Variants in SLC24A2 observed in about 807,000 individuals in gnomAD.
The protein encoded by SLC24A2 is sodium/potassium/calcium exchanger 2.
SLC24A2 carries 36 observed loss-of-function variants against 62.0 expected under a neutral mutation model. The ratio of observed to expected loss-of-function variants is 0.58; its 90% CI spans 0.44 to 0.77. SLC24A2 has a LOEUF of 0.77. Among genes scored for constraint, SLC24A2 ranks in the 30% least tolerant of loss-of-function variants. The pLI, the probability that SLC24A2 is intolerant of heterozygous loss-of-function variation, is 0.00. For missense variants in SLC24A2, 846 were observed against 817.9 expected (o/e 1.03, Z -0.42); for synonymous variants, 358 against 294.0 (o/e 1.22, Z -2.23).
the SLC24A2 span, among the ~76,000 whole-genome samples, chr9:19,835,895 T>A: frequency 9.9e-5 from 15 of 152,134 alleles, no homozygotes; most frequent in African/African-American, 3.6e-4. Flanking sequence ...AACAGTGCAA[T>A]CAAACTAGAA....
the SLC24A2 span, among the ~76,000 whole-genome samples, chr9:20,197,427 CTTT>C: frequency 3.2e-5 from 3 of 93,148 alleles, 1 homozygote; most frequent in African/African-American, 9.2e-5. Flanking sequence ...CTCTCTCTCT[CTTT>C]TTTTTTTTTT....
chr9:19,636,717 AG>A (rs1477582648), intron 2 of SLC24A2, among the ~76,000 whole-genome samples: 1 of 152,064 alleles, frequency 6.6e-6, no homozygotes, highest in Non-Finnish European at 1.5e-5. Flanking sequence ...TACAGGTGTG[AG>A]CCACCACGCC....
chr9:19,950,439 G>C, the SLC24A2 span, among the ~76,000 whole-genome samples: 3 of 152,072 alleles, frequency 2.0e-5, no homozygotes, highest in Admixed American at 2.0e-4. Context: ...TGTAACCACA[G>C]GAAATCTGCA....
At chr9:20,214,388 C>G in the SLC24A2 span, among the ~76,000 whole-genome samples, 19 of 152,036 alleles carry the variant, frequency 1.2e-4, no homozygotes, top group Non-Finnish European at 2.6e-4. Flanking sequence ...CCAAGGCAGG[C>G]GGATCACAAG....
the SLC24A2 span, among the ~76,000 whole-genome samples, chr9:20,072,227 G>C: frequency 2.6e-5 from 4 of 152,108 alleles, no homozygotes; most frequent in African/African-American, 9.7e-5. Flanking sequence ...ACCCAGCAAC[G>C]CCTATCTGTT....
intron 2 of SLC24A2, among the ~76,000 whole-genome samples, chr9:19,644,686 CT>C (rs1012987511): frequency 1.6e-4 from 24 of 152,116 alleles, no homozygotes; most frequent in African/African-American, 5.5e-4. Context: ...TATATTTTCT[CT>C]ATATTTTTAT....
chr9:19,712,740 GCT>G (rs1201091437), intron 2 of SLC24A2, among the ~76,000 whole-genome samples: 1 of 152,122 alleles, frequency 6.6e-6, no homozygotes, highest in Admixed American at 6.6e-5. Flanking sequence ...ATCCTGGAAT[GCT>G]CTTTCTCTGG....
At chr9:19,679,542 T>A (rs745509411) in intron 2 of SLC24A2, among the ~76,000 whole-genome samples, 2 of 152,106 alleles carry the variant, frequency 1.3e-5, no homozygotes, top group Non-Finnish European at 2.9e-5. Flanking sequence ...AGCATTTGAC[T>A]CAGTAGACTG....
At position 19,529,864 on chromosome 9, in the gene SLC24A2, C is replaced by T. The variant is rs146596373; in HGVS notation, c.1480-1726G>A. ...CTCCTGGGTCAAGCAATTCTCCTGC[C>T]TCAGCCTCCTGAGTAGCTGGAATTA... On this transcript the variant is annotated intron_variant, in intron 8 of 10. Transcript: ENST00000341998. 7.5e-3 allele frequency among the ~76,000 whole-genome samples: 1,144 copies of T among 151,546 alleles called. 14 individuals are homozygous for T. The highest frequency in any genetic ancestry group is 0.026 in the African/African-American group (1,066 of 41,288).
At chr9:19,551,506 T>C (rs558681347) in intron 7 of SLC24A2, among the ~76,000 whole-genome samples, 1 of 152,278 alleles carries the variant, frequency 6.6e-6, no homozygotes, top group East Asian at 1.9e-4. Context: ...CTCCCTTCCC[T>C]GCTTGTTTGA....
the SLC24A2 span, among the ~76,000 whole-genome samples, chr9:19,881,827 G>T: frequency 6.6e-6 from 1 of 152,038 alleles, no homozygotes; most frequent in Non-Finnish European, 1.5e-5. Context: ...CCTCAAAATG[G>T]AACTTGGGAA....
chr9:19,830,758 C>A, the SLC24A2 span, among the ~76,000 whole-genome samples: 1 of 152,152 alleles, frequency 6.6e-6, no homozygotes, highest in East Asian at 1.9e-4. Flanking sequence ...AGCATTGATG[C>A]ATGAGCCAAA....
chr9:19,977,079 T>G, the SLC24A2 span, among the ~76,000 whole-genome samples: 1 of 152,020 alleles, frequency 6.6e-6, no homozygotes, highest in Non-Finnish European at 1.5e-5. Context: ...TTGTGACATC[T>G]TTGAACGTAG....
At chr9:20,277,015 T>G in the SLC24A2 span, among the ~76,000 whole-genome samples, 1 of 152,236 alleles carries the variant, frequency 6.6e-6, no homozygotes, top group Non-Finnish European at 1.5e-5. Context: ...TTCACTGACA[T>G]GCCCTAGACA....
chr9:19,771,543 T>G (rs1178143767), intron 2 of SLC24A2, among the ~76,000 whole-genome samples: 2 of 152,188 alleles, frequency 1.3e-5, no homozygotes, highest in African/African-American at 4.8e-5. Flanking sequence ...GAATGCTATT[T>G]AAATAAATCT....
chr9:20,008,866 C>T, the SLC24A2 span, among the ~76,000 whole-genome samples: 792 of 152,184 alleles, frequency 5.2e-3, 2 homozygotes, highest in Admixed American at 0.013. Flanking sequence ...GTTGGCAAGA[C>T]GGGAAGAATA....
chr9:19,770,301 C>T (rs928842790), intron 2 of SLC24A2, among the ~76,000 whole-genome samples: 1 of 151,942 alleles, frequency 6.6e-6, no homozygotes, highest in Non-Finnish European at 1.5e-5. Flanking sequence ...AAGTAAGATA[C>T]TTCTGGATTA....
chr9:20,186,129 C>T, the SLC24A2 span, among the ~76,000 whole-genome samples: 1 of 152,092 alleles, frequency 6.6e-6, no homozygotes, highest in African/African-American at 2.4e-5. Flanking sequence ...AATGAGTCCA[C>T]TGTGAGCACA....
chr9:20,162,534 C>T, the SLC24A2 span, among the ~76,000 whole-genome samples: 2 of 151,902 alleles, frequency 1.3e-5, no homozygotes, highest in Admixed American at 6.6e-5. Context: ...GATTCACAGC[C>T]GAATTCTACC....
Sources: allele counts gnomAD v4.1 joint callset (sites outside exome capture counted in the v4.1 genomes callset), GRCh38; gene constraint gnomAD v4.1.1; transcripts MANE v1.5; gene names NCBI Gene and HGNC (gene_info 2026-07-23, HGNC 2026-07-21).